DUSP22: variants seen among roughly 807,000 people sequenced by gnomAD.
DUSP22 encodes the protein dual specificity phosphatase 22, also known as dual specificity protein phosphatase 22.
In DUSP22, 24 loss-of-function variants were observed where a neutral mutation model predicts 24.5. That is an observed-to-expected ratio of 0.98 (90% CI 0.71 to 1.38). The LOEUF is 1.38. DUSP22 is among the 40% of genes most tolerant of loss of function. The pLI, the probability that DUSP22 is intolerant of heterozygous loss-of-function variation, is 0.00. For synonymous variants in DUSP22, 160 were observed against 106.4 expected (o/e 1.50, Z -3.10); for missense variants, 330 against 269.2 (o/e 1.23, Z -1.58).
At chr6:292,732 G>C (rs1356031086) in intron 1 of DUSP22, among the ~76,000 whole-genome samples, 172 bp downstream of exon 1, 1 of 152,284 alleles carries the variant, frequency 6.6e-6, no homozygotes, top group Non-Finnish European at 1.5e-5. Context: ...GGGTTCGGAG[G>C]TGTTCCCGCC....
chr6:343,537 C>G (rs1759713846), intron 4 of DUSP22, among the ~76,000 whole-genome samples: 1 of 152,310 alleles, frequency 6.6e-6, no homozygotes, highest in African/African-American at 2.4e-5. Flanking sequence ...GCAGTTATCC[C>G]TGGGAAAGTT....
At chr6:347,039 A>T (rs570139276) in intron 5 of DUSP22, among the ~76,000 whole-genome samples, 3 of 152,308 alleles carry the variant, frequency 2.0e-5, no homozygotes, top group African/African-American at 4.8e-5. Flanking sequence ...AGTGTAATAA[A>T]TACAAATGGT....
chr6:308,101 A>G (rs1434567448), intron 2 of DUSP22, among the ~76,000 whole-genome samples: 31 of 150,598 alleles, frequency 2.1e-4, no homozygotes, highest in Admixed American at 1.8e-3. Context: ...TAGGGTGCAC[A>G]TGACCTTCTG....
chr6:298,112 AC>A, intron 1 of DUSP22, among the ~76,000 whole-genome samples: 1 of 152,214 alleles, frequency 6.6e-6, no homozygotes, highest in East Asian at 1.9e-4. Context: ...CCTCTACACC[AC>A]CCCCCGAGGG....
chr6:317,909 C>T (rs535268280), intron 3 of DUSP22, among the ~76,000 whole-genome samples: 10 of 152,416 alleles, frequency 6.6e-5, no homozygotes, highest in South Asian at 2.1e-4. Flanking sequence ...TGTCTCATCA[C>T]GTCTTTGGCC....
rs918044385 is a variant in DUSP22, at chr6:332,638, G to C, written c.139-2476G>C. Reference sequence around the variant, plus strand: ...CAGACCCTCTGTCCATTCTCTTCCTGTCCTTCTTTTTTTTTTTTTTTCTTT... The same window carrying C: ...CAGACCCTCTGTCCATTCTCTTCCTCTCCTTCTTTTTTTTTTTTTTTCTTT... On this transcript the variant is annotated intron_variant, in intron 3 of 6. Transcript: ENST00000419235. Among the ~76,000 whole-genome samples the C allele has an allele frequency of 4.2e-5, 6 of 143,702 alleles. No individual in the cohort carries two copies. The East Asian group carries it at 1.1e-3, about 26-fold the overall frequency. The allele number at this position is 143,702 out of a possible 152,430, so 94.3% of individuals were successfully genotyped here.
chr6:326,443 A>C (rs1431745021), intron 3 of DUSP22, among the ~76,000 whole-genome samples: 11 of 147,928 alleles, frequency 7.4e-5, no homozygotes. Context: ...GCCTGGAGTC[A>C]TCTGCCCTGG....
chr6:300,932 G>A (rs1757554117), intron 1 of DUSP22, among the ~76,000 whole-genome samples: 1 of 152,310 alleles, frequency 6.6e-6, no homozygotes, highest in Non-Finnish European at 1.5e-5. Context: ...CATTTCTGGG[G>A]CTACCGCAAG....
chr6:317,242 G>A (rs893129443), intron 3 of DUSP22, among the ~76,000 whole-genome samples: 5 of 152,410 alleles, frequency 3.3e-5, no homozygotes, highest in East Asian at 1.9e-4. Context: ...CTTTTTCCCC[G>A]GGTCAGTGCC....
intron 1 of DUSP22, among the ~76,000 whole-genome samples, chr6:293,460 T>C (rs1757186717): frequency 6.6e-6 from 1 of 152,292 alleles, no homozygotes; most frequent in Non-Finnish European, 1.5e-5. Context: ...GGTCTTTGAA[T>C]GGTCCTGGAT....
Position 349,250 on chromosome 6 carries a change from CAT to C in DUSP22, c.*300_*301del. ...TTGTGTGTGGGTGACTAAGTGGATG[CAT>C]GTGTGTGCCTGTGTGAGTGAGGGTA... On this transcript the variant is annotated 3_prime_UTR_variant, in exon 7 of 7. Coordinates refer to ENST00000419235, the MANE Select transcript of DUSP22 (RefSeq NM_001286555.3). 1.5e-6 allele frequency: 2 copies of C among 1,349,154 alleles called. No individual in the cohort carries two copies. Among genetic ancestry groups the C allele is most frequent in the Middle Eastern group, 2.8e-4 (1 of 3,600 alleles). The allele number at this position is 1,349,154 out of a possible 1,614,324, so 83.6% of individuals were successfully genotyped here.
In DUSP22 at chr6:304,615, GTC is replaced by G. The variant is rs752294946; in HGVS notation, c.22-6_22-5del. On this transcript the variant is annotated splice_polypyrimidine_tract_variant and intron_variant, in intron 1 of 6. Transcript: ENST00000419235. ...GTCTGCCATGCTCATGTCTGTGTCT[GTC>G]TCTCTCCTAGATCCTGCCCGGCCTG... 7.4e-6 allele frequency: 12 copies of G among 1,614,242 alleles called. No individual in the cohort carries two copies. The highest frequency in any genetic ancestry group is 1.0e-5 in the Non-Finnish European group (12 of 1,180,008).
At chr6:332,763 C>T (rs959734477) in intron 3 of DUSP22, among the ~76,000 whole-genome samples, 1 of 152,226 alleles carries the variant, frequency 6.6e-6, no homozygotes, top group Admixed American at 6.5e-5. Flanking sequence ...TCGTCTTAAG[C>T]TTCCTTGCCA....
chr6:341,662 C>T (rs559984066), intron 4 of DUSP22, among the ~76,000 whole-genome samples: 29 of 152,404 alleles, frequency 1.9e-4, no homozygotes, highest in African/African-American at 6.0e-4. Context: ...GGGGTGGCGC[C>T]GCGAATGGCC....
At chr6:300,943 A>C (rs1757554641) in intron 1 of DUSP22, among the ~76,000 whole-genome samples, 2 of 152,304 alleles carry the variant, frequency 1.3e-5, no homozygotes, top group Non-Finnish European at 2.9e-5. Flanking sequence ...CTACCGCAAG[A>C]TGCTGATGCT....
At chr6:338,715 C>G (rs1314695504) in intron 4 of DUSP22, among the ~76,000 whole-genome samples, 1 of 152,298 alleles carries the variant, frequency 6.6e-6, no homozygotes, top group Non-Finnish European at 1.5e-5. Flanking sequence ...AACTATGTTG[C>G]TCATTGTTTT....
intron 1 of DUSP22, among the ~76,000 whole-genome samples, chr6:302,435 C>A: frequency 6.6e-6 from 1 of 152,310 alleles, no homozygotes; most frequent in Non-Finnish European, 1.5e-5. Context: ...TGCAGGCTGA[C>A]CGTTCTGCTG....
chr6:314,056 G>A (rs543462147), intron 3 of DUSP22, among the ~76,000 whole-genome samples: 14 of 152,418 alleles, frequency 9.2e-5, no homozygotes, highest in African/African-American at 1.9e-4. Flanking sequence ...GGGAATTAGC[G>A]GACGGGTTTG....
intron 3 of DUSP22, among the ~76,000 whole-genome samples, chr6:321,889 G>T (rs1385319376): frequency 6.6e-6 from 1 of 152,308 alleles, no homozygotes; most frequent in Non-Finnish European, 1.5e-5. Context: ...TGCCATCCAG[G>T]GATGTGAGTG....
Sources: allele counts gnomAD v4.1 joint callset (sites outside exome capture counted in the v4.1 genomes callset), GRCh38; gene constraint gnomAD v4.1.1; transcripts MANE v1.5; gene names NCBI Gene and HGNC (gene_info 2026-07-23, HGNC 2026-07-21).